The following PSKH2 variants were observed in gnomAD, a reference collection of about 807,000 sequenced individuals.
PSKH2 encodes the protein protein serine kinase H2.
A neutral mutation model predicts 22.5 loss-of-function variants in PSKH2; 16 were observed. The ratio of observed to expected loss-of-function variants is 0.71; its 90% CI spans 0.48 to 1.08. PSKH2 has a LOEUF of 1.08. Ranked by LOEUF, PSKH2 falls within the 50% of genes least tolerant of loss-of-function variation. The pLI, the probability that PSKH2 is intolerant of heterozygous loss-of-function variation, is 0.00. For synonymous variants in PSKH2, 188 were observed against 184.8 expected (o/e 1.02, Z -0.14); for missense variants, 516 against 492.8 (o/e 1.05, Z -0.44).
intron 2 of PSKH2, among the ~76,000 whole-genome samples, chr8:86,049,040 C>T (rs1159353997): frequency 1.3e-5 from 2 of 152,156 alleles, no homozygotes. Flanking sequence ...AAAACCTTCT[C>T]AGAAATCTGT....
chr8:86,062,407 T>G (rs1817792874), intron 2 of PSKH2, among the ~76,000 whole-genome samples: 1 of 152,210 alleles, frequency 6.6e-6, no homozygotes, highest in Non-Finnish European at 1.5e-5. Context: ...CATAAATTTT[T>G]TAAAGTTCTT....
chr8:86,059,015 C>G (rs1461921464), intron 2 of PSKH2, among the ~76,000 whole-genome samples: 1 of 152,158 alleles, frequency 6.6e-6, no homozygotes, highest in African/African-American at 2.4e-5. Flanking sequence ...TCTTAGCTCA[C>G]TGCAACCTAG....
intron 1 of PSKH2, 93 bp from the exon 2 acceptor site, chr8:86,064,724 C>T: frequency 6.2e-6 from 6 of 964,326 alleles, no homozygotes; most frequent in African/African-American, 1.6e-5. Context: ...TTCTATCCTT[C>T]TATTCCTCCC....
chr8:86,061,637 G>A (rs1817778569), intron 2 of PSKH2, among the ~76,000 whole-genome samples: 1 of 152,152 alleles, frequency 6.6e-6, no homozygotes. Flanking sequence ...AGCACATGGA[G>A]AAACCCGTGG....
chr8:86,057,497 C>T (rs1817717517), intron 2 of PSKH2, among the ~76,000 whole-genome samples: 1 of 152,134 alleles, frequency 6.6e-6, no homozygotes, highest in Non-Finnish European at 1.5e-5. Flanking sequence ...AGCGATTCTC[C>T]TGCCTTAGCT....
At chr8:86,061,642 C>G (rs936358052) in intron 2 of PSKH2, among the ~76,000 whole-genome samples, 2 of 152,014 alleles carry the variant, frequency 1.3e-5, no homozygotes, top group Admixed American at 6.6e-5. Context: ...ATGGAGAAAC[C>G]CGTGGAGGAA....
At chr8:86,057,679 C>T (rs1817721578) in intron 2 of PSKH2, among the ~76,000 whole-genome samples, 1 of 152,200 alleles carries the variant, frequency 6.6e-6, no homozygotes, top group African/African-American at 2.4e-5. Context: ...CATGAGCCAC[C>T]ATTCCTGGCC....
intron 1 of PSKH2, among the ~76,000 whole-genome samples, chr8:86,066,745 G>T (rs1210654308): frequency 6.6e-6 from 1 of 151,874 alleles, no homozygotes; most frequent in Admixed American, 6.6e-5. Flanking sequence ...ATGACATTTG[G>T]CTGTACCAGA....
chr8:86,054,500 C>A (rs1329065123), intron 2 of PSKH2, among the ~76,000 whole-genome samples: 3 of 152,166 alleles, frequency 2.0e-5, no homozygotes, highest in Non-Finnish European at 4.4e-5. Context: ...AAAAATTATT[C>A]TTCCACATCT....
intron 2 of PSKH2, among the ~76,000 whole-genome samples, chr8:86,063,737 C>T (rs544269474): frequency 2.6e-4 from 39 of 152,280 alleles, no homozygotes; most frequent in African/African-American, 8.4e-4. Flanking sequence ...CAGTCAGGGG[C>T]GATTTTGCCC....
chr8:86,064,908 T>A (rs1449461939), intron 1 of PSKH2, among the ~76,000 whole-genome samples: 1 of 152,176 alleles, frequency 6.6e-6, no homozygotes, highest in Non-Finnish European at 1.5e-5. Flanking sequence ...TTTTTAAAAA[T>A]CTTATCCCTA....
chr8:86,062,353 G>A (rs181553770), intron 2 of PSKH2, among the ~76,000 whole-genome samples: 34 of 152,274 alleles, frequency 2.2e-4, no homozygotes, highest in Admixed American at 5.9e-4. Flanking sequence ...TGCTGCATCT[G>A]GGATTACTTA....
chr8:86,061,439 TG>T lies in PSKH2; in HGVS notation c.852+2525del, dbSNP rs1353143570. Among the ~76,000 whole-genome samples, 49 of 152,240 alleles carry T rather than the reference TG, an allele frequency of 3.2e-4. No homozygotes were observed. The East Asian group carries it at 8.7e-3, about 27-fold the overall frequency. On this transcript the variant is annotated intron_variant, in intron 2 of 2. Coordinates refer to ENST00000276616, the MANE Select transcript of PSKH2 (RefSeq NM_033126.3). ...TGGACCGCACCCCCATATCACACTC[TG>T]TGTAGTTCCCCCCAACATTGAATCA...
At chr8:86,069,734 A>C, upstream of PSKH2, 2 of 1,247,670 alleles carry the variant, frequency 1.6e-6, no homozygotes, top group Non-Finnish European at 2.1e-6. Context: ...TCGGAAAGAA[A>C]CCCCACTGGG....
intron 2 of PSKH2, 33 bp downstream of exon 2, chr8:86,063,932 C>A: frequency 6.4e-7 from 1 of 1,552,268 alleles, no homozygotes; most frequent in Admixed American, 1.9e-5. Context: ...CACTCTAAAC[C>A]AACACAATAG....
intron 2 of PSKH2, among the ~76,000 whole-genome samples, chr8:86,050,051 G>A (rs1817609186): frequency 6.6e-6 from 1 of 151,928 alleles, no homozygotes; most frequent in Non-Finnish European, 1.5e-5. Context: ...AATATGCACA[G>A]CTAAGTAGTT....
At position 86,064,329 on chromosome 8, in the gene PSKH2, A is replaced by G; in HGVS notation, c.488T>C (p.Ile163Thr). The G allele has an allele frequency of 6.2e-7, 1 of 1,614,138 alleles. No individual in the cohort carries two copies. Among genetic ancestry groups the G allele is most frequent in the Non-Finnish European group, 8.5e-7 (1 of 1,180,030 alleles). Residue 163 changes from isoleucine to threonine, a missense_variant, in exon 2 of 3, where the codon ATC becomes ACC. Coordinates refer to ENST00000276616, the MANE Select transcript of PSKH2 (RefSeq NM_033126.3). ...GSFTERDAVR[I>T]LQMVADGIRY... ...AATCCCATCAGCAACCATCTGGAGG[A>G]TCCTGACGGCATCCCGCTCTGTAAA... is the stretch of plus-strand genomic sequence containing the variant.
intron 2 of PSKH2, among the ~76,000 whole-genome samples, chr8:86,056,374 T>A (rs1184815139): frequency 2.0e-5 from 3 of 152,162 alleles, no homozygotes; most frequent in Non-Finnish European, 2.9e-5. Context: ...CTCCTTTTTT[T>A]AAAATCAATG....
At chr8:86,062,275 T>C (rs1817787550) in intron 2 of PSKH2, among the ~76,000 whole-genome samples, 1 of 152,258 alleles carries the variant, frequency 6.6e-6, no homozygotes, top group African/African-American at 2.4e-5. Context: ...TCAAACATTC[T>C]CTCAGGACTC....
Sources: allele counts gnomAD v4.1 joint callset (sites outside exome capture counted in the v4.1 genomes callset), GRCh38; gene constraint gnomAD v4.1.1; transcripts MANE v1.5; gene names NCBI Gene and HGNC (gene_info 2026-07-23, HGNC 2026-07-21).